LDLRAD3: variants seen among roughly 807,000 people sequenced by gnomAD.
LDLRAD3 encodes the protein low density lipoprotein receptor class A domain containing 3.
Under a neutral mutation model 29.4 loss-of-function variants are expected in LDLRAD3, and 20 were observed. The observed-to-expected ratio is 0.68, with a 90% confidence interval of 0.48 to 0.99. The LOEUF (loss-of-function observed/expected upper bound fraction) is 0.99. Among genes scored for constraint, LDLRAD3 ranks in the 50% least tolerant of loss-of-function variants. The pLI is 0.00. For synonymous variants in LDLRAD3, 157 were observed against 192.7 expected (o/e 0.81, Z 1.53); for missense variants, 420 against 454.3 (o/e 0.92, Z 0.69).
chr11:35,965,950 A>G (rs1348916807), intron 1 of LDLRAD3, among the ~76,000 whole-genome samples: 1 of 152,232 alleles, frequency 6.6e-6, no homozygotes, highest in Non-Finnish European at 1.5e-5. Flanking sequence ...ACTGTTATTA[A>G]CTTTTGGATC....
intron 4 of LDLRAD3, among the ~76,000 whole-genome samples, chr11:36,143,177 C>G (rs145939963): frequency 6.6e-6 from 1 of 152,274 alleles, no homozygotes; most frequent in African/African-American, 2.4e-5. Context: ...TAGGAGTGAT[C>G]AGAACCAGCA....
intron 4 of LDLRAD3, among the ~76,000 whole-genome samples, chr11:36,172,702 T>C (rs552293123): frequency 1.3e-5 from 2 of 152,358 alleles, no homozygotes; most frequent in African/African-American, 4.8e-5. Flanking sequence ...GGATTATCTT[T>C]TTGATATGCT....
At chr11:36,150,264 A>G (rs1418444556) in intron 4 of LDLRAD3, among the ~76,000 whole-genome samples, 1 of 152,198 alleles carries the variant, frequency 6.6e-6, no homozygotes, top group African/African-American at 2.4e-5. Flanking sequence ...ACAGTGGCTC[A>G]CACGTGTAAT....
chr11:35,958,921 C>T (rs1851241082), intron 1 of LDLRAD3, among the ~76,000 whole-genome samples: 1 of 152,052 alleles, frequency 6.6e-6, no homozygotes, highest in Admixed American at 6.6e-5. Flanking sequence ...ATTGCAGACC[C>T]TCCTGGAAAC....
intron 1 of LDLRAD3, among the ~76,000 whole-genome samples, chr11:36,000,561 T>C (rs915317859): frequency 6.6e-6 from 1 of 152,138 alleles, no homozygotes; most frequent in Non-Finnish European, 1.5e-5. Context: ...TCCATGAGCA[T>C]TTATTATGTT....
intron 4 of LDLRAD3, among the ~76,000 whole-genome samples, chr11:36,212,522 A>G (rs1855296344): frequency 1.3e-5 from 2 of 151,560 alleles, no homozygotes; most frequent in Admixed American, 1.3e-4. Context: ...ATTGCACTCT[A>G]GCCTGGGCAA....
intron 2 of LDLRAD3, among the ~76,000 whole-genome samples, chr11:36,058,990 T>C (rs116696196): frequency 3.3e-4 from 50 of 152,272 alleles, no homozygotes; most frequent in African/African-American, 1.2e-3. Flanking sequence ...TGGACTGGTC[T>C]TCCTGCTTCC....
chr11:36,172,119 C>T (rs7931896), intron 4 of LDLRAD3, among the ~76,000 whole-genome samples: 18,232 of 152,044 alleles, frequency 0.12, 1,271 homozygotes, highest in Admixed American at 0.21. Context: ...TTATTTGATT[C>T]TCAGCTTGGT....
Position 36,081,744 on chromosome 11 carries a change from G to A in LDLRAD3, c.285G>A (p.Glu95=), listed in dbSNP as rs756588803. The A allele has an allele frequency of 1.2e-6, 2 of 1,614,234 alleles. No individual in the cohort carries two copies. Among genetic ancestry groups the A allele is most frequent in the East Asian group, 2.2e-5 (1 of 44,886 alleles). Residue 95 remains glutamate (E), a synonymous_variant, in exon 3 of 6, where the codon GAG becomes GAA. Transcript: ENST00000315571. ...GTCGCTTCCGGTGCAATGGGTTTGA[G>A]GACTGTCCCGATGGCAGCGATGAAG... The part of the protein sequence containing the change: ...IIGRFRCNGF[E]DCPDGSDEEN...
intron 2 of LDLRAD3, among the ~76,000 whole-genome samples, chr11:36,040,726 G>A (rs920208632): frequency 5.3e-5 from 8 of 152,156 alleles, no homozygotes; most frequent in African/African-American, 2.4e-5. Flanking sequence ...GAGGGAAGGC[G>A]CCTTTTCTGG....
chr11:36,015,668 C>T (rs61180835), intron 1 of LDLRAD3, among the ~76,000 whole-genome samples: 2,287 of 151,904 alleles, frequency 0.015, 58 homozygotes, highest in African/African-American at 0.053. Flanking sequence ...CCCTGCCCCC[C>T]GCCACTGTTC....
intron 2 of LDLRAD3, among the ~76,000 whole-genome samples, chr11:36,079,191 G>A (rs1478424081): frequency 6.6e-6 from 1 of 152,218 alleles, no homozygotes; most frequent in African/African-American, 2.4e-5. Context: ...GCTGCCATCA[G>A]TACTATAGAT....
intron 1 of LDLRAD3, among the ~76,000 whole-genome samples, chr11:36,002,351 C>T (rs530954869): frequency 4.6e-5 from 7 of 152,344 alleles, no homozygotes; most frequent in Middle Eastern, 3.4e-3. Context: ...GCACTGGCCC[C>T]GTAGGTCAGG....
chr11:36,076,674 A>G (rs1272453553), intron 2 of LDLRAD3, among the ~76,000 whole-genome samples: 4 of 152,156 alleles, frequency 2.6e-5, no homozygotes, highest in Admixed American at 1.3e-4. Context: ...GCGTCAGCCA[A>G]TACGCCTGGC....
intron 4 of LDLRAD3, among the ~76,000 whole-genome samples, chr11:36,131,065 C>T (rs376962591): frequency 6.6e-6 from 1 of 152,178 alleles, no homozygotes; most frequent in African/African-American, 2.4e-5. Context: ...GCAGTTGGCT[C>T]AAAGGGTGGC....
intron 1 of LDLRAD3, among the ~76,000 whole-genome samples, chr11:36,010,812 C>CT (rs1260877321): frequency 1.3e-4 from 20 of 149,510 alleles, no homozygotes; most frequent in South Asian, 6.4e-4. Flanking sequence ...CTTAGAAATT[C>CT]TTTTTTTTTT....
chr11:36,170,216 T>TGAACAATATTCCATGGGGG (rs2133346968), intron 4 of LDLRAD3, among the ~76,000 whole-genome samples: 1 of 151,616 alleles, frequency 6.6e-6, no homozygotes, highest in African/African-American at 2.4e-5. Flanking sequence ...TTTTTATGGC[T>TGAACAATATTCCATGGGGG]GAACAATATT....
At chr11:36,131,204 C>A (rs1049243160) in intron 4 of LDLRAD3, among the ~76,000 whole-genome samples, 1 of 152,248 alleles carries the variant, frequency 6.6e-6, no homozygotes, top group Admixed American at 6.5e-5. Flanking sequence ...ACCCCACCAC[C>A]AGTAATCTGT....
chr11:36,215,673 G>T lies in LDLRAD3; in HGVS notation c.455-11412G>T, dbSNP rs146795240. On this transcript the variant is annotated intron_variant, in intron 4 of 5. Transcript: ENST00000315571. ...CAAGATGCTGGAGCTTGTTGGGTCAGGGTCGTTGTGTTCAGATCTGAAATC... is the reference window on the plus strand; with the variant it reads ...CAAGATGCTGGAGCTTGTTGGGTCATGGTCGTTGTGTTCAGATCTGAAATC... Among the ~76,000 whole-genome samples, 240 of 152,288 alleles carry T rather than the reference G, an allele frequency of 1.6e-3. 4 individuals are homozygous for T. The highest frequency in any genetic ancestry group is 0.015 in the Admixed American group (225 of 15,298).
Sources: gnomAD v4.1 joint callset for allele counts (sites outside exome capture counted in the v4.1 genomes callset) on GRCh38, gnomAD v4.1.1 for gene constraint, MANE v1.5 for transcripts, NCBI Gene and HGNC (gene_info 2026-07-23, HGNC 2026-07-21) for gene names.